RP1: variants seen among roughly 807,000 people sequenced by gnomAD.
RP1 encodes the protein oxygen-regulated protein 1.
RP1 carries 16 observed loss-of-function variants against 14.8 expected under a neutral mutation model. The observed-to-expected ratio is 1.08, with a 90% CI of 0.73 to 1.65. RP1 has a LOEUF of 1.65. Ranked by LOEUF, RP1 falls within the 40% of genes most tolerant of loss-of-function variation. The pLI is 0.00. For missense variants in RP1, 2,631 were observed against 2,535.0 expected, an observed-to-expected ratio of 1.04 and a Z score of -0.81; for synonymous variants, 876 against 883.6, an observed-to-expected ratio of 0.99 and a Z score of 0.15.
chr8:54,620,488 C>T (rs1230397174), intron 1 of RP1, among the ~76,000 whole-genome samples: 1 of 151,806 alleles, frequency 6.6e-6, no homozygotes, highest in Non-Finnish European at 1.5e-5. Flanking sequence ...ATGATGAAAT[C>T]ACCTAACAAT....
intron 22 of RP1, among the ~76,000 whole-genome samples, chr8:54,763,127 T>C (rs1809681227): frequency 6.6e-6 from 1 of 152,218 alleles, no homozygotes; most frequent in Admixed American, 6.5e-5. Flanking sequence ...TAGCATTAAA[T>C]TAGGGAATCT....
At chr8:54,698,581 A>G (rs1807931472) in intron 12 of RP1, among the ~76,000 whole-genome samples, 1 of 152,224 alleles carries the variant, frequency 6.6e-6, no homozygotes, top group Non-Finnish European at 1.5e-5. Flanking sequence ...ATAAAGACAC[A>G]TGCACACGTA....
In RP1 at chr8:54,629,769, G is replaced by A. The variant is rs767765085; in HGVS notation, c.5887G>A (p.Asp1963Asn). The A allele has an allele frequency of 1.2e-6, 2 of 1,608,062 alleles. No homozygotes were observed. Among genetic ancestry groups the A allele is most frequent in the South Asian group, 1.1e-5 (1 of 89,986 alleles). Residue 1963 changes from aspartate (D) to asparagine (N), a missense_variant, in exon 4 of 4, where the codon GAC becomes AAC. Asp to Asn is a conservative substitution (Grantham distance 23, BLOSUM62 1). Coordinates refer to ENST00000220676, the MANE Select transcript of RP1 (RefSeq NM_006269.2). ...MKIHPYLLQTDKNVFREENNK... is the reference protein window; with the variant it reads ...MKIHPYLLQTNKNVFREENNK... ...AATACACCCATATTTACTTCAGACA[G>A]ACAAAAATGTGTTCAGGGAAGAGAA... is the stretch of plus-strand genomic sequence containing the variant.
intron 1 of RP1, among the ~76,000 whole-genome samples, chr8:54,582,435 G>A (rs1408643079): frequency 6.6e-6 from 1 of 151,334 alleles, no homozygotes; most frequent in African/African-American, 2.4e-5. Context: ...GTCAGGTAGT[G>A]TGATGCCTCC....
chr8:54,842,858 G>A (rs1190743774), intron 25 of RP1, among the ~76,000 whole-genome samples: 2 of 152,102 alleles, frequency 1.3e-5, no homozygotes, highest in East Asian at 3.9e-4. Flanking sequence ...GAGCCCTCAG[G>A]CCCCTGCCCT....
chr8:54,598,264 T>C (rs1446200453), intron 1 of RP1, among the ~76,000 whole-genome samples: 2 of 152,158 alleles, frequency 1.3e-5, no homozygotes, highest in African/African-American at 4.8e-5. Context: ...TAGAATTCTA[T>C]TTTGATTCTA....
rs1437463455 is a variant in RP1 at position 54,645,855 on chromosome 8, G to A, written c.788-3130G>A. Among the ~76,000 whole-genome samples the A allele has an allele frequency of 3.3e-5, 5 of 151,996 alleles. No individual in the cohort carries two copies. In the East Asian group the frequency reaches 9.6e-4, roughly 29 times the overall value. On this transcript the variant is annotated intron_variant, in intron 3 of 22. Coordinates refer to the RP1 transcript ENST00000636932. ...TATAAATTTATTGTTTTTTTTAGAG[G>A]ATATAGGATTATTCAAATTTTCTAT...
intron 1 of RP1, among the ~76,000 whole-genome samples, chr8:54,596,622 G>T (rs1489533361): frequency 8.5e-5 from 13 of 152,068 alleles, no homozygotes; most frequent in Admixed American, 8.5e-4. Flanking sequence ...TTTTGTTAGT[G>T]GTACCACAGG....
rs1327410502 is a variant in RP1 at position 54,739,014 on chromosome 8, G to A, written c.2793G>A (p.Glu931=). 5.2e-6 allele frequency: 8 copies of A among 1,531,636 alleles called. No homozygotes were observed. In the South Asian group the frequency reaches 8.4e-5, roughly 16 times the overall value. The allele number at this position is 1,531,636 out of a possible 1,614,324, so 94.9% of individuals were successfully genotyped here. A position where few individuals can be genotyped will look rare whatever the true frequency, so the allele number is the denominator to read the frequency against. The stretch of plus-strand genomic sequence containing the variant: ...ATGATGGAACCAGTGAGCAACCCGA[G>A]TGGAACTTGCAGAGGGTAATCATGT... Residue 931 remains glutamate, a synonymous_variant, in exon 19 of 23, where the codon GAG becomes GAA. Transcript: ENST00000636932.
intron 24 of RP1, among the ~76,000 whole-genome samples, chr8:54,788,577 A>G (rs748597946): frequency 3.3e-5 from 5 of 152,132 alleles, no homozygotes; most frequent in South Asian, 2.1e-4. Context: ...CCCTGTTGAC[A>G]TGTTTGACTT....
intron 17 of RP1, among the ~76,000 whole-genome samples, chr8:54,731,744 A>G (rs1331176275): frequency 6.6e-6 from 1 of 152,192 alleles, no homozygotes; most frequent in East Asian, 1.9e-4. Context: ...AACAAGCTGA[A>G]CACATACACA....
downstream of RP1, among the ~76,000 whole-genome samples, chr8:54,632,040 C>T (rs543206295): frequency 2.0e-5 from 3 of 151,934 alleles, no homozygotes; most frequent in African/African-American, 7.3e-5. Flanking sequence ...CGGGGTTTCT[C>T]CATGTTGGTT....
intron 1 of RP1, among the ~76,000 whole-genome samples, chr8:54,610,626 C>T (rs1424111171): frequency 1.3e-5 from 2 of 152,178 alleles, no homozygotes; most frequent in African/African-American, 4.8e-5. Context: ...TCCTCTCCAT[C>T]TGAATAATTA....
chr8:54,581,025 T>A (rs1804779919), intron 1 of RP1, among the ~76,000 whole-genome samples: 1 of 152,304 alleles, frequency 6.6e-6, no homozygotes, highest in South Asian at 2.1e-4. Flanking sequence ...TTTATTATAC[T>A]TTAAGTTTTA....
intron 24 of RP1, among the ~76,000 whole-genome samples, chr8:54,828,472 T>G (rs7008698): frequency 0.31 from 46,410 of 151,996 alleles, 7,299 homozygotes; most frequent in South Asian, 0.37. Context: ...GCTTCTTTTC[T>G]TACCATGTGA....
intron 13 of RP1, chr8:54,699,621 TA>T (rs1387872643): frequency 2.2e-5 from 18 of 835,834 alleles, no homozygotes; most frequent in African/African-American, 1.9e-4. Context: ...TATGTCTGTA[TA>T]TTTTTTTGTA....
chr8:54,741,932 G>T (rs575974544), intron 19 of RP1, among the ~76,000 whole-genome samples: 1 of 150,720 alleles, frequency 6.6e-6, no homozygotes, highest in East Asian at 1.9e-4. Flanking sequence ...CTGTATTTCT[G>T]CCTAATAGCA....
chr8:54,738,960 T>A lies in RP1; in HGVS notation c.2739T>A (p.Thr913=), dbSNP rs1030216641. 6.0e-6 allele frequency: 9 copies of A among 1,501,378 alleles called. No homozygotes were observed. The African/African-American group carries it at 9.7e-5, about 16-fold the overall frequency. 93.0% of individuals were successfully genotyped at this position (1,501,378 alleles called of 1,614,324 possible). Reference sequence around the variant, plus strand: ...TCATTCAGGTTGAAATAAGAAACACTGGAAACATATATAAGATAAGGATAG... The same window carrying A: ...TCATTCAGGTTGAAATAAGAAACACAGGAAACATATATAAGATAAGGATAG... Residue 913 remains threonine (T), a synonymous_variant, in exon 19 of 23, where the codon ACT becomes ACA. Transcript: ENST00000636932.
At chr8:54,774,896 T>A (rs1368804845), downstream of RP1, among the ~76,000 whole-genome samples, 6 of 152,268 alleles carry the variant, frequency 3.9e-5, no homozygotes, top group East Asian at 1.2e-3. Context: ...ATAGACTTAC[T>A]CAATCAGAGT....
Sources: gnomAD v4.1 joint callset for allele counts (sites outside exome capture counted in the v4.1 genomes callset) on GRCh38, gnomAD v4.1.1 for gene constraint, MANE v1.5 for transcripts, NCBI Gene and HGNC (gene_info 2026-07-23, HGNC 2026-07-21) for gene names.